Variants in ANAPC5 observed in about 807,000 individuals in gnomAD.
ANAPC5 encodes the protein anaphase-promoting complex subunit 5.
Under a neutral mutation model 91.3 loss-of-function variants are expected in ANAPC5, and 60 were observed. The observed-to-expected ratio is 0.66, with a 90% confidence interval of 0.53 to 0.81. The LOEUF is 0.81. Among genes scored for constraint, ANAPC5 ranks in the 40% least tolerant of loss-of-function variants. ANAPC5 has a pLI of 0.00. For missense variants in ANAPC5, 690 were observed against 931.5 expected, an observed-to-expected ratio of 0.74 and a Z score of 3.37; for synonymous variants, 340 against 364.1, an observed-to-expected ratio of 0.93 and a Z score of 0.75.
chr12:121,311,052 T>C (rs992690754), intron 15 of ANAPC5, among the ~76,000 whole-genome samples: 1 of 151,972 alleles, frequency 6.6e-6, no homozygotes, highest in African/African-American at 2.4e-5. Flanking sequence ...AAGTATCCAC[T>C]GTATGCTGTC....
At position 121,352,343 on chromosome 12, in the gene ANAPC5, C is replaced by A. The variant is rs2136829491; in HGVS notation, c.-3G>T. The stretch of plus-strand genomic sequence containing the variant: ...AGGCTCTCGTGGACGCTGGCCATGG[C>A]GGCCCGAGACTAAGTCTCGGGCCCG... On this transcript the variant is annotated 5_prime_UTR_variant, in exon 1 of 17. Transcript: ENST00000261819. 1.3e-6 allele frequency: 2 copies of A among 1,594,250 alleles called. No homozygotes were observed. Among genetic ancestry groups the A allele is most frequent in the East Asian group, 4.5e-5 (2 of 44,400 alleles).
In ANAPC5 at chr12:121,308,980, C is replaced by G. The variant is rs1902051908; in HGVS notation, c.2057-289G>C. Among the ~76,000 whole-genome samples, 3 of 151,526 alleles carry G rather than the reference C, an allele frequency of 2.0e-5. No homozygotes were observed. In the South Asian group the frequency reaches 6.3e-4, roughly 32 times the overall value. On this transcript the variant is annotated intron_variant, in intron 16 of 16. Coordinates refer to ENST00000261819, the MANE Select transcript of ANAPC5 (RefSeq NM_016237.5). ...CCTGGCCAACATGGTGAAACCTTGT[C>G]TCTACTAAAAATACAAAAATTAGCC... is the stretch of plus-strand genomic sequence containing the variant.
rs181572768 is a variant in ANAPC5 at position 121,344,594 on chromosome 12, A to G, written c.590+1245T>C. ...GAGACTTGATCTCAAAAAAAAAAAA[A>G]AAAGAAAGAAAAAGAAAGTATTTGG... On this transcript the variant is annotated intron_variant, in intron 4 of 16. Coordinates refer to ENST00000261819, the MANE Select transcript of ANAPC5 (RefSeq NM_016237.5). Among the ~76,000 whole-genome samples, 1,027 of 151,936 alleles carry G rather than the reference A, an allele frequency of 6.8e-3. 12 individuals are homozygous for G. Among genetic ancestry groups the G allele is most frequent in the African/African-American group, 0.023 (974 of 41,452 alleles).
chr12:121,330,840 C>T, intron 8 of ANAPC5, 168 bp from the exon 9 acceptor site: 1 of 557,552 alleles, frequency 1.8e-6, no homozygotes, highest in Non-Finnish European at 3.2e-6. Flanking sequence ...AACATATCAA[C>T]ATCATTAAAA....
In ANAPC5 at chr12:121,331,335, G is replaced by C; in HGVS notation, c.1032+12C>G. On this transcript the variant is annotated intron_variant, in intron 8 of 16. Transcript: ENST00000261819. ...CGTGAACAAAACTCCCAAGACCAGA[G>C]GATGGCCTCACCAAACAGTGCTGGA... 6.3e-7 allele frequency: 1 copy of C among 1,580,988 alleles called. No individual in the cohort carries two copies. The highest frequency in any genetic ancestry group is 2.3e-5 in the East Asian group (1 of 44,128).
chr12:121,308,341 A>T lies in ANAPC5; in HGVS notation c.*139T>A, dbSNP rs939391609. ...TAAAACAAATACGTAGTTACTAGCA[A>T]CAAAATAAGACAAACTAATCAGAAT... is the stretch of plus-strand genomic sequence containing the variant. On this transcript the variant is annotated 3_prime_UTR_variant, in exon 17 of 17. Coordinates refer to ENST00000261819, the MANE Select transcript of ANAPC5 (RefSeq NM_016237.5). 3 of 701,068 alleles carry T rather than the reference A, an allele frequency of 4.3e-6. No homozygotes were observed. Among genetic ancestry groups the T allele is most frequent in the African/African-American group, 3.6e-5 (2 of 55,860 alleles). The allele number at this position is 701,068 out of a possible 1,614,324, so 43.4% of individuals were successfully genotyped here.
chr12:121,349,720 A>ATTT (rs11408254), intron 1 of ANAPC5, among the ~76,000 whole-genome samples: 134 of 138,296 alleles, frequency 9.7e-4, no homozygotes, highest in African/African-American at 2.7e-3. Flanking sequence ...CACTGTTTCT[A>ATTT]TTTTTTTTTT....
At chr12:121,331,906 A>G (rs1276920206) in intron 7 of ANAPC5, 1 of 153,254 alleles carries the variant, frequency 6.5e-6, no homozygotes, top group Non-Finnish European at 1.5e-5. Context: ...CAGTGGCACA[A>G]TCCTAGCTCA....
chr12:121,328,005 T>C lies in ANAPC5; in HGVS notation c.1304+311A>G, dbSNP rs1902888534. 9 of 239,414 alleles carry C rather than the reference T, an allele frequency of 3.8e-5. No individual in the cohort carries two copies. In the South Asian group the frequency reaches 6.8e-4, roughly 18 times the overall value. The allele number at this position is 239,414 out of a possible 1,614,324, so 14.8% of individuals were successfully genotyped here. The stretch of plus-strand genomic sequence containing the variant: ...GACGTGGGTTTGAGTCCTTTCTCTG[T>C]CACTTGTTAACTGCGTTTGCGATCG... On this transcript the variant is annotated intron_variant, in intron 10 of 16. Coordinates refer to ENST00000261819, the MANE Select transcript of ANAPC5 (RefSeq NM_016237.5).
At chr12:121,339,172 C>G (rs988518422) in intron 5 of ANAPC5, among the ~76,000 whole-genome samples, 13 of 149,654 alleles carry the variant, frequency 8.7e-5, no homozygotes, top group Middle Eastern at 7.0e-3. Flanking sequence ...CTTCTTGAAT[C>G]CCAAGTAGCT....
chr12:121,330,097 T>C (rs374016636), intron 9 of ANAPC5, among the ~76,000 whole-genome samples: 2 of 152,332 alleles, frequency 1.3e-5, no homozygotes, highest in East Asian at 3.9e-4. Context: ...GTAAATAATT[T>C]CGATTTTTCA....
At chr12:121,310,933 C>CAAA (rs35742192) in intron 15 of ANAPC5, among the ~76,000 whole-genome samples, 949 of 60,924 alleles carry the variant, frequency 0.016, 41 homozygotes, top group East Asian at 0.047. Context: ...GACTCCATCT[C>CAAA]AAAAAAAAAA....
At chr12:121,316,540 T>G (rs997264531) in intron 15 of ANAPC5, among the ~76,000 whole-genome samples, 1 of 151,960 alleles carries the variant, frequency 6.6e-6, no homozygotes, top group African/African-American at 2.4e-5. Context: ...GAGACCACCC[T>G]GGCTAACACA....
Position 121,318,288 on chromosome 12 carries a change from C to G in ANAPC5, c.1882G>C (p.Ala628Pro). The change falls in exon 15 of 17, where the codon GCT becomes CCT. Residue 628 changes from alanine (A) to proline (P), a missense_variant. Ala to Pro is a conservative substitution (Grantham distance 27, BLOSUM62 -1). Transcript: ENST00000261819. ...AGAGATCGGCTTACCTGCGCAAAAG[C>G]CAAGTTCAGCACTGTTTCAGAGGCC... ...YLASETVLNL[A>P]FAQLILGIPE... 1 of 1,532,828 alleles carries G rather than the reference C, an allele frequency of 6.5e-7. No individual in the cohort carries two copies. Among genetic ancestry groups the G allele is most frequent in the Non-Finnish European group, 8.8e-7 (1 of 1,141,334 alleles). 95.0% of individuals were successfully genotyped at this position (1,532,828 alleles called of 1,614,324 possible).
intron 10 of ANAPC5, 31 bp from the exon 11 acceptor site, chr12:121,327,262 T>G (rs1566186363): frequency 6.2e-7 from 1 of 1,608,168 alleles, no homozygotes; most frequent in Non-Finnish European, 8.5e-7. Flanking sequence ...GGATTTCCTT[T>G]CAGCAGCAGA....
chr12:121,309,604 T>G (rs1447977352), intron 16 of ANAPC5, 97 bp downstream of exon 16: 3 of 1,411,334 alleles, frequency 2.1e-6, no homozygotes, highest in Non-Finnish European at 2.9e-6. Context: ...AGAACTTAAA[T>G]GCTGTCCCAA....
chr12:121,351,607 G>A (rs2136827413), intron 1 of ANAPC5, among the ~76,000 whole-genome samples: 1 of 151,628 alleles, frequency 6.6e-6, no homozygotes, highest in Non-Finnish European at 1.5e-5. Flanking sequence ...ACAGGTGCCC[G>A]CCACCACGTC....
chr12:121,317,025 G>A (rs1326479158), intron 15 of ANAPC5, among the ~76,000 whole-genome samples: 1 of 152,096 alleles, frequency 6.6e-6, no homozygotes, highest in Non-Finnish European at 1.5e-5. Context: ...TATGCAAACT[G>A]TTCAGAATAG....
In ANAPC5 at chr12:121,308,415, G is replaced by C; in HGVS notation, c.*65C>G. ...GTCACAAATACATCATTTATAGGGAGAGAGGGGACATGAACAAGTCCAAAA... is the reference window on the plus strand; with the variant it reads ...GTCACAAATACATCATTTATAGGGACAGAGGGGACATGAACAAGTCCAAAA... On this transcript the variant is annotated 3_prime_UTR_variant, in exon 17 of 17. Coordinates refer to ENST00000261819, the MANE Select transcript of ANAPC5 (RefSeq NM_016237.5). The C allele has an allele frequency of 1.6e-6, 2 of 1,280,752 alleles. No homozygotes were observed. The highest frequency in any genetic ancestry group is 1.2e-5 in the South Asian group (1 of 83,060). 79.3% of individuals were successfully genotyped at this position (1,280,752 alleles called of 1,614,324 possible).
Sources: allele counts gnomAD v4.1 joint callset (sites outside exome capture counted in the v4.1 genomes callset), GRCh38; gene constraint gnomAD v4.1.1; transcripts MANE v1.5; gene names NCBI Gene and HGNC (gene_info 2026-07-23, HGNC 2026-07-21).